IL9R: variants seen among roughly 807,000 people sequenced by gnomAD.
IL9R encodes the protein interleukin 9 receptor, also known as interleukin-9 receptor.
In IL9R, 54 loss-of-function variants were observed where a neutral mutation model predicts 56.3. The ratio of observed to expected loss-of-function variants is 0.96; its 90% CI spans 0.77 to 1.20. The LOEUF (loss-of-function observed/expected upper bound fraction) is 1.20. Among genes scored for constraint, IL9R ranks in the 50% most tolerant of loss-of-function variants. The pLI is 0.00. For synonymous variants in IL9R, 212 were observed against 250.2 expected, an observed-to-expected ratio of 0.85 and a Z score of 1.44; for missense variants, 545 against 629.8, an observed-to-expected ratio of 0.87 and a Z score of 1.44.
intron 8 of IL9R, among the ~76,000 whole-genome samples, chrX:156,009,117 CTG>C (rs1200545114): frequency 1.1e-4 from 12 of 106,456 alleles, no homozygotes; most frequent in East Asian, 5.3e-4. Context: ...GTTTATGTGT[CTG>C]TGTATGTTTG....
intron 4 of IL9R, among the ~76,000 whole-genome samples, 168 bp downstream of exon 4, chrX:156,004,023 G>A (rs899318860): frequency 6.6e-6 from 1 of 152,156 alleles, no homozygotes; most frequent in Non-Finnish European, 1.5e-5. Flanking sequence ...GGAGGGGAGG[G>A]CCCATATGGT....
intron 1 of IL9R, among the ~76,000 whole-genome samples, chrX:156,000,867 G>A (rs1407872081): frequency 6.6e-6 from 1 of 152,170 alleles, no homozygotes; most frequent in Admixed American, 6.5e-5. Flanking sequence ...GTGGAAGCTG[G>A]TGGGAATGGG....
In IL9R at chrX:156,004,577, G is replaced by A. The variant is rs1179566679; in HGVS notation, c.579+12G>A. ...AAGAGGCCTGGGAGGTAACACTTTG[G>A]CTGGCTTTCCCTGGGGGCCTCTCTC... On this transcript the variant is annotated intron_variant, in intron 5 of 8. Coordinates refer to ENST00000244174, the MANE Select transcript of IL9R (RefSeq NM_002186.3). 6.2e-7 allele frequency: 1 copy of A among 1,612,060 alleles called. No homozygotes were observed. The highest frequency in any genetic ancestry group is 8.5e-7 in the Non-Finnish European group (1 of 1,179,804).
intron 1 of IL9R, among the ~76,000 whole-genome samples, chrX:156,001,727 C>T (rs1181302485): frequency 6.6e-6 from 1 of 152,120 alleles, no homozygotes; most frequent in Non-Finnish European, 1.5e-5. Context: ...TGCCTAGGGG[C>T]TATCGGTGTA....
chrX:155,998,975 A>G (rs373636015), intron 1 of IL9R, among the ~76,000 whole-genome samples: 1 of 151,974 alleles, frequency 6.6e-6, no homozygotes, highest in African/African-American at 2.4e-5. Flanking sequence ...GGACTGTGCC[A>G]ATATCCTCAC....
chrX:156,008,477 G>T (rs1356046754), intron 8 of IL9R, among the ~76,000 whole-genome samples: 1 of 152,088 alleles, frequency 6.6e-6, no homozygotes, highest in African/African-American at 2.4e-5. Flanking sequence ...CTGGCTCTTG[G>T]CAGAGTCTCC....
intron 1 of IL9R, among the ~76,000 whole-genome samples, chrX:155,998,176 G>A (rs1413847574): frequency 6.6e-6 from 1 of 152,012 alleles, no homozygotes; most frequent in African/African-American, 2.4e-5. Context: ...TGGCCATGGG[G>A]TGGAGCTGAG....
intron 1 of IL9R, among the ~76,000 whole-genome samples, chrX:155,998,073 A>C (rs776393590): frequency 2.0e-5 from 3 of 152,200 alleles, no homozygotes; most frequent in African/African-American, 7.2e-5. Flanking sequence ...ATTTCTAATT[A>C]TGGAAGGAAC....
chrX:156,007,088 T>G (rs190577138), intron 7 of IL9R, among the ~76,000 whole-genome samples: 3 of 151,862 alleles, frequency 2.0e-5, no homozygotes, highest in African/African-American at 7.3e-5. Flanking sequence ...TTTGGACCTG[T>G]TGGGTTGGAG....
intron 1 of IL9R, among the ~76,000 whole-genome samples, chrX:156,002,553 G>T (rs1055158503): frequency 1.3e-5 from 2 of 152,202 alleles, no homozygotes; most frequent in Non-Finnish European, 2.9e-5. Context: ...ATGGGGCCTG[G>T]GCCCGGGAAT....
At chrX:156,003,187 T>C (rs1049555880) in intron 2 of IL9R, among the ~76,000 whole-genome samples, 168 bp downstream of exon 2, 30 of 152,078 alleles carry the variant, frequency 2.0e-4, no homozygotes, top group Non-Finnish European at 3.1e-4. Flanking sequence ...TCCCTACTTT[T>C]ACCTCCCTAC....
chrX:155,999,503 C>G (rs1250040309), intron 1 of IL9R, among the ~76,000 whole-genome samples: 2 of 152,132 alleles, frequency 1.3e-5, no homozygotes, highest in Non-Finnish European at 2.9e-5. Context: ...GACCCCATCC[C>G]TCCTGCCTCC....
intron 5 of IL9R, 144 bp from the exon 6 acceptor site, chrX:156,005,134 C>A: frequency 1.4e-6 from 1 of 694,334 alleles, no homozygotes; most frequent in Non-Finnish European, 2.6e-6. Context: ...TGTGTGTGCA[C>A]GTGAATGTGG....
intron 2 of IL9R, among the ~76,000 whole-genome samples, 155 bp downstream of exon 2, chrX:156,003,174 G>A (rs1175884287): frequency 6.6e-6 from 1 of 152,042 alleles, no homozygotes; most frequent in African/African-American, 2.4e-5. Context: ...TCAGTCTCTA[G>A]TCTCCCTACT....
chrX:156,010,111 C>T lies in IL9R; in HGVS notation c.1268C>T (p.Pro423Leu), dbSNP rs1450453672. 3 of 1,585,260 alleles carry T rather than the reference C, an allele frequency of 1.9e-6. No individual in the cohort carries two copies. The highest frequency in any genetic ancestry group is 2.5e-6 in the Non-Finnish European group (3 of 1,177,190). Residue 423 changes from proline to leucine, a missense_variant, in exon 9 of 9, where the codon CCC becomes CTC. By Grantham distance (98) the Pro-to-Leu change is moderately conservative. Coordinates refer to ENST00000244174, the MANE Select transcript of IL9R (RefSeq NM_002186.3). ...WAPTSLTRPA[P>L]PDSEGSRSSS... is the part of the protein sequence containing the mutation. ...CCCACGTCCCTGACTAGGCCGGCTC[C>T]CCCAGACTCAGAGGGCAGCAGGAGC...
At chrX:155,999,416 C>G (rs1326388770) in intron 1 of IL9R, among the ~76,000 whole-genome samples, 1 of 152,126 alleles carries the variant, frequency 6.6e-6, no homozygotes, top group Non-Finnish European at 1.5e-5. Flanking sequence ...GGTGCCATCT[C>G]TCTCCCACCC....
intron 8 of IL9R, among the ~76,000 whole-genome samples, chrX:156,009,165 GTGTATGTC>G (rs1488377271): frequency 1.6e-5 from 2 of 122,054 alleles, no homozygotes; most frequent in African/African-American, 5.7e-5. Context: ...GTGTTTATGT[GTGTATGTC>G]TGTGTGTGTC....
At chrX:156,002,091 C>T (rs1251034237) in intron 1 of IL9R, among the ~76,000 whole-genome samples, 2 of 151,928 alleles carry the variant, frequency 1.3e-5, no homozygotes, top group Non-Finnish European at 2.9e-5. Context: ...CCTGTAATCC[C>T]AACACTTTGG....
At chrX:156,009,159 TTA>T (rs1491109527) in intron 8 of IL9R, among the ~76,000 whole-genome samples, 11 of 122,488 alleles carry the variant, frequency 9.0e-5, no homozygotes, top group African/African-American at 2.4e-4. Context: ...GTGTTTGTGT[TTA>T]TGTGTGTATG....
Sources: gnomAD v4.1 joint callset for allele counts (sites outside exome capture counted in the v4.1 genomes callset) on GRCh38, gnomAD v4.1.1 for gene constraint, MANE v1.5 for transcripts, NCBI Gene and HGNC (gene_info 2026-07-23, HGNC 2026-07-21) for gene names.